Variants in NECAB2 observed in about 807,000 individuals in gnomAD.
NECAB2 encodes N-terminal EF-hand calcium-binding protein 2.
In NECAB2, 68 loss-of-function variants were observed where a neutral mutation model predicts 51.9. The ratio of observed to expected loss-of-function variants is 1.31; its 90% CI spans 1.08 to 1.60. NECAB2 has a LOEUF of 1.60. Among genes scored for constraint, NECAB2 ranks in the 40% most tolerant of loss-of-function variants. NECAB2 has a pLI of 0.00. For synonymous variants in NECAB2, 329 were observed against 203.5 expected (o/e 1.62, Z -5.25); for missense variants, 854 against 490.3 (o/e 1.74, Z -7.00).
intron 10 of NECAB2, among the ~76,000 whole-genome samples, chr16:83,998,869 C>T (rs1312101538): frequency 1.3e-5 from 2 of 152,192 alleles, no homozygotes; most frequent in South Asian, 2.1e-4. Context: ...CTGTTCATCC[C>T]ACCAGGCTGA....
chr16:83,995,489 C>G (rs1411887223), intron 8 of NECAB2, among the ~76,000 whole-genome samples: 1 of 152,148 alleles, frequency 6.6e-6, no homozygotes, highest in Non-Finnish European at 1.5e-5. Context: ...GGTGCTGTAG[C>G]TTGCATTTAA....
chr16:83,990,034 G>A (rs545611125), intron 5 of NECAB2, among the ~76,000 whole-genome samples: 7 of 152,184 alleles, frequency 4.6e-5, no homozygotes, highest in East Asian at 1.9e-4. Context: ...AGGGAAGGTC[G>A]TGGATTCTTC....
chr16:83,965,560 G>A (rs1031385317), upstream of NECAB2: 3 of 1,612,894 alleles, frequency 1.9e-6, no homozygotes, highest in Admixed American at 1.7e-5. Flanking sequence ...TCAACCAGCT[G>A]CCCAAGATGC....
intron 1 of NECAB2, 120 bp from the exon 2 acceptor site, chr16:83,972,031 G>A (rs11647912): frequency 2.2e-6 from 3 of 1,378,198 alleles, no homozygotes; most frequent in South Asian, 1.2e-5. Context: ...GGGGGGCTCA[G>A]CTTCCCAGGA....
In NECAB2 at chr16:84,000,879, TTGGAG is replaced by T. The variant is rs1422666727; in HGVS notation, c.1040+79_1040+83del. On this transcript the variant is annotated intron_variant, in intron 11 of 12. Coordinates refer to ENST00000305202, the MANE Select transcript of NECAB2 (RefSeq NM_019065.3). ...GCTGTCTTCCTGGAGCCAGGCATCC[TTGGAG>T]GGGAGGGTAAGGCCGAGTCCAGTCA... 7.6e-6 allele frequency: 11 copies of T among 1,445,002 alleles called. No individual in the cohort carries two copies. In the African/African-American group the frequency reaches 1.5e-4, roughly 20 times the overall value. The allele number at this position is 1,445,002 out of a possible 1,614,324, so 89.5% of individuals were successfully genotyped here.
chr16:84,001,800 A>C (rs762987855), intron 11 of NECAB2, 25 bp from the exon 12 acceptor site: 1 of 1,612,864 alleles, frequency 6.2e-7, no homozygotes, highest in Non-Finnish European at 8.5e-7. Flanking sequence ...GCCACCCCTG[A>C]CTCACACATG....
chr16:83,990,491 C>T lies in NECAB2; in HGVS notation c.460-3C>T, dbSNP rs1306757661. 1.9e-6 allele frequency: 3 copies of T among 1,614,012 alleles called. No homozygotes were observed. Among genetic ancestry groups the T allele is most frequent in the Non-Finnish European group, 2.5e-6 (3 of 1,179,930 alleles). On this transcript the variant is annotated splice_polypyrimidine_tract_variant and splice_region_variant and intron_variant, in intron 5 of 12. Transcript: ENST00000305202. ...CTCAGTGCCTCTTCTCTTCCTTCCA[C>T]AGGTATATGAGGGTGGGAGCAACGT...
At chr16:83,999,336 T>C (rs1280208265) in intron 10 of NECAB2, among the ~76,000 whole-genome samples, 1 of 152,268 alleles carries the variant, frequency 6.6e-6, no homozygotes, top group East Asian at 1.9e-4. Context: ...ACTTGATCTT[T>C]TTCCATTACG....
upstream of NECAB2, among the ~76,000 whole-genome samples, chr16:83,968,187 C>A (rs994278255): frequency 1.3e-5 from 2 of 151,356 alleles, no homozygotes; most frequent in Admixed American, 6.6e-5. Context: ...GGCGCCGCTC[C>A]CCGGGGCTGG....
At chr16:83,986,038 C>T (rs935713711) in intron 5 of NECAB2, among the ~76,000 whole-genome samples, 4 of 151,920 alleles carry the variant, frequency 2.6e-5, no homozygotes, top group East Asian at 1.9e-4. Context: ...TTTTTTGATA[C>T]GGAGTTTCTC....
At chr16:83,988,417 C>G (rs925100169) in intron 5 of NECAB2, among the ~76,000 whole-genome samples, 5 of 152,170 alleles carry the variant, frequency 3.3e-5, no homozygotes, top group African/African-American at 9.7e-5. Flanking sequence ...AGCTAATTAA[C>G]ACTTTCTCTT....
rs1444296323 is a variant in NECAB2 at position 84,002,506 on chromosome 16, C to CCCCCACCTGAGAAGG, written c.*162_*176dup. 2.9e-5 allele frequency: 26 copies of CCCCCACCTGAGAAGG among 907,162 alleles called. No homozygotes were observed. Among genetic ancestry groups the CCCCCACCTGAGAAGG allele is most frequent in the Non-Finnish European group, 4.1e-5 (24 of 584,474 alleles). The allele number at this position is 907,162 out of a possible 1,614,324, so 56.2% of individuals were successfully genotyped here. A position where few individuals can be genotyped will look rare whatever the true frequency, so the allele number is the denominator to read the frequency against. ...TGTTAAGTGAAGGAGGCCGCCCCTGCCCCCACCTGAGAAGGCAGAGCAGTG... is the reference window on the plus strand; with the variant it reads ...TGTTAAGTGAAGGAGGCCGCCCCTGCCCCCACCTGAGAAGGCCCCACCTGAGAAGGCAGAGCAGTG... On this transcript the variant is annotated 3_prime_UTR_variant, in exon 13 of 13. Transcript: ENST00000305202.
At chr16:83,975,072 G>A (rs1035713960) in intron 2 of NECAB2, among the ~76,000 whole-genome samples, 3 of 136,512 alleles carry the variant, frequency 2.2e-5, no homozygotes, top group Non-Finnish European at 3.1e-5. Flanking sequence ...GCAGGGAGGT[G>A]TGGGTGCAGG....
chr16:83,999,338 T>C (rs774897445), intron 10 of NECAB2, among the ~76,000 whole-genome samples: 13 of 152,288 alleles, frequency 8.5e-5, no homozygotes, highest in African/African-American at 2.6e-4. Context: ...TTGATCTTTT[T>C]CCATTACGTG....
chr16:83,968,625 G>C lies in NECAB2; in HGVS notation c.-24G>C, dbSNP rs1287218146. On this transcript the variant is annotated 5_prime_UTR_variant, in exon 1 of 13. Transcript: ENST00000305202. ...CTGGGCGGGGGTCGGCGGGCTTCCG[G>C]GCGGCGGCGGCGGGCGCGGCGCGAT... is the stretch of plus-strand genomic sequence containing the variant. 7.2e-6 allele frequency: 7 copies of C among 969,372 alleles called. No homozygotes were observed. Among genetic ancestry groups the C allele is most frequent in the Non-Finnish European group, 8.6e-6 (7 of 818,572 alleles). The allele number at this position is 969,372 out of a possible 1,614,324, so 60.0% of individuals were successfully genotyped here.
chr16:83,968,988 C>T (rs992299639), intron 1 of NECAB2, 139 bp downstream of exon 1: 18 of 415,394 alleles, frequency 4.3e-5, no homozygotes, highest in Non-Finnish European at 1.7e-5. Context: ...CCTCCGCGTG[C>T]CGGAGCGGGA....
In NECAB2 at chr16:83,968,769, C is replaced by T. The variant is rs756448723; in HGVS notation, c.121C>T (p.Pro41Ser). The T allele has an allele frequency of 4.6e-6, 5 of 1,097,652 alleles. No individual in the cohort carries two copies. Among genetic ancestry groups the T allele is most frequent in the Non-Finnish European group, 5.5e-6 (5 of 903,684 alleles). 68.0% of individuals were successfully genotyped at this position (1,097,652 alleles called of 1,614,324 possible). A position where few individuals can be genotyped will look rare whatever the true frequency, so the allele number is the denominator to read the frequency against. ...LRWVGARMGE[P>S]RESLAPAAPA... ...CTGGGTGGGCGCCAGGATGGGCGAG[C>T]CCCGGGAGTCGCTGGCCCCCGCCGC... The change falls in exon 1 of 13, where the codon CCC (proline) becomes TCC (serine). Residue 41 changes from proline (P) to serine (S), a missense_variant. Transcript: ENST00000305202.
In NECAB2 at chr16:83,998,315, C is replaced by A. The variant is rs1454356014; in HGVS notation, c.960C>A (p.Phe320Leu). The change falls in exon 10 of 13, where the codon TTC becomes TTA. Residue 320 changes from phenylalanine to leucine, a missense_variant and splice_region_variant. Coordinates refer to ENST00000305202, the MANE Select transcript of NECAB2 (RefSeq NM_019065.3). ...GGACCACTGGCGTGAGGAACTGCTTCCAGTGAGTGAGCTGCCGAGGCGTGG... is the reference window on the plus strand; with the variant it reads ...GGACCACTGGCGTGAGGAACTGCTTACAGTGAGTGAGCTGCCGAGGCGTGG... Reference protein sequence around the residue: ...LRGTTGVRNCFHITAVRLSDG... With the variant: ...LRGTTGVRNCLHITAVRLSDG... The A allele has an allele frequency of 1.2e-6, 2 of 1,613,268 alleles. No homozygotes were observed.
At chr16:83,996,411 C>T (rs975218292) in intron 8 of NECAB2, among the ~76,000 whole-genome samples, 11 of 152,190 alleles carry the variant, frequency 7.2e-5, no homozygotes, top group South Asian at 4.1e-4. Context: ...TAGAACGTCA[C>T]GGTGGTGACT....
Sources: allele counts gnomAD v4.1 joint callset (sites outside exome capture counted in the v4.1 genomes callset), GRCh38; gene constraint gnomAD v4.1.1; transcripts MANE v1.5; gene names NCBI Gene and HGNC (gene_info 2026-07-23, HGNC 2026-07-21).